The following DENND1A variants were observed in gnomAD, a reference collection of about 807,000 sequenced individuals.
The protein encoded by DENND1A is DENN domain containing 1A, also known as DENN domain-containing protein 1A.
A neutral mutation model predicts 113.7 loss-of-function variants in DENND1A; 51 were observed. The observed-to-expected ratio is 0.45, with a 90% CI of 0.36 to 0.57. The LOEUF is 0.57. DENND1A is among the 20% of genes least tolerant of loss of function. DENND1A has a pLI of 0.00. For synonymous variants in DENND1A, 565 were observed against 570.8 expected, an observed-to-expected ratio of 0.99 and a Z score of 0.14; for missense variants, 1,258 against 1,395.9, an observed-to-expected ratio of 0.90 and a Z score of 1.57.
intron 5 of DENND1A, among the ~76,000 whole-genome samples, chr9:123,746,946 T>A (rs1035229853): frequency 2.6e-5 from 4 of 152,072 alleles, no homozygotes; most frequent in African/African-American, 9.7e-5. Flanking sequence ...TTTACAAAAG[T>A]GACAGTAAAA....
intron 2 of DENND1A, among the ~76,000 whole-genome samples, chr9:123,852,843 C>A (rs552888919): frequency 6.6e-6 from 1 of 152,106 alleles, no homozygotes; most frequent in Non-Finnish European, 1.5e-5. Context: ...AAGAGTGCAA[C>A]TAGTTTTTAA....
chr9:123,687,247 C>T (rs895898902), intron 5 of DENND1A, among the ~76,000 whole-genome samples: 2 of 152,130 alleles, frequency 1.3e-5, no homozygotes, highest in South Asian at 2.1e-4. Flanking sequence ...ACCCCCCCAG[C>T]GATCAGAGAG....
chr9:123,780,045 G>T (rs1381242370), intron 3 of DENND1A, among the ~76,000 whole-genome samples: 1 of 152,046 alleles, frequency 6.6e-6, no homozygotes, highest in Non-Finnish European at 1.5e-5. Context: ...GTAGAGACAG[G>T]GTTTCGCCAT....
intron 1 of DENND1A, among the ~76,000 whole-genome samples, chr9:123,899,308 C>G (rs1368023529): frequency 6.6e-6 from 1 of 152,134 alleles, no homozygotes; most frequent in Non-Finnish European, 1.5e-5. Flanking sequence ...TCGCCAGTGT[C>G]TATGAAGGGT....
intron 13 of DENND1A, among the ~76,000 whole-genome samples, chr9:123,494,738 T>C (rs1228327214): frequency 1.3e-5 from 2 of 152,126 alleles, no homozygotes; most frequent in Admixed American, 1.3e-4. Flanking sequence ...CTAATCATCT[T>C]TTAGGACCTG....
chr9:123,709,655 T>C (rs1475464477), intron 5 of DENND1A, among the ~76,000 whole-genome samples: 1 of 152,176 alleles, frequency 6.6e-6, no homozygotes, highest in African/African-American at 2.4e-5. Flanking sequence ...CTATACACCC[T>C]AACGTCTGCA....
intron 2 of DENND1A, among the ~76,000 whole-genome samples, chr9:123,826,962 T>C (rs1469243576): frequency 6.6e-6 from 1 of 152,186 alleles, no homozygotes; most frequent in Admixed American, 6.5e-5. Flanking sequence ...ACTTCTGTAA[T>C]TCCAACAAAC....
intron 5 of DENND1A, among the ~76,000 whole-genome samples, chr9:123,681,196 C>T (rs946059810): frequency 2.6e-5 from 4 of 151,928 alleles, no homozygotes; most frequent in East Asian, 3.9e-4. Flanking sequence ...ATAAAGACAG[C>T]ATCTATGTGG....
chr9:123,767,369 T>C (rs1409144499), intron 4 of DENND1A, among the ~76,000 whole-genome samples: 1 of 151,784 alleles, frequency 6.6e-6, no homozygotes, highest in Non-Finnish European at 1.5e-5. Context: ...GAATGAAATA[T>C]TCAAAAAGAA....
chr9:123,622,844 T>C (rs1172714462), intron 10 of DENND1A, among the ~76,000 whole-genome samples: 1 of 152,232 alleles, frequency 6.6e-6, no homozygotes. Context: ...GGAATGCTGA[T>C]TCTCATTAGC....
At chr9:123,523,058 T>C (rs971883194) in intron 13 of DENND1A, among the ~76,000 whole-genome samples, 3 of 152,210 alleles carry the variant, frequency 2.0e-5, no homozygotes, top group Admixed American at 6.5e-5. Context: ...CCACATCTAA[T>C]TGCTAACATA....
intron 11 of DENND1A, among the ~76,000 whole-genome samples, chr9:123,600,274 T>C (rs115817308): frequency 7.5e-4 from 115 of 152,348 alleles, no homozygotes; most frequent in African/African-American, 2.7e-3. Context: ...ATAATATTGA[T>C]AATCACTTCC....
chr9:123,615,495 TTC>T (rs2060609634), intron 10 of DENND1A, among the ~76,000 whole-genome samples: 1 of 152,200 alleles, frequency 6.6e-6, no homozygotes, highest in Admixed American at 6.5e-5. Context: ...AGCTTCTACA[TTC>T]TGTCTGAGCT....
chr9:123,643,659 C>G (rs2062147419), intron 9 of DENND1A, among the ~76,000 whole-genome samples: 1 of 152,204 alleles, frequency 6.6e-6, no homozygotes, highest in African/African-American at 2.4e-5. Flanking sequence ...ACCAAGGCCG[C>G]ACTCATGGTA....
At chr9:123,493,811 C>T (rs183077389) in intron 13 of DENND1A, among the ~76,000 whole-genome samples, 7 of 152,318 alleles carry the variant, frequency 4.6e-5, no homozygotes, top group Admixed American at 2.0e-4. Flanking sequence ...AAGGCATGCA[C>T]GCTGAAGCAC....
intron 13 of DENND1A, among the ~76,000 whole-genome samples, chr9:123,468,252 G>A (rs1416264264): frequency 1.3e-5 from 2 of 152,130 alleles, no homozygotes; most frequent in South Asian, 2.1e-4. Flanking sequence ...CTGCCTCCGG[G>A]GACTGCTGGG....
At chr9:123,724,340 A>G (rs1458278591) in intron 5 of DENND1A, among the ~76,000 whole-genome samples, 3 of 152,142 alleles carry the variant, frequency 2.0e-5, no homozygotes, top group Non-Finnish European at 4.4e-5. Context: ...TCCTAATGAG[A>G]CTTCAGCATG....
At chr9:123,871,231 C>G (rs1846553209) in intron 2 of DENND1A, among the ~76,000 whole-genome samples, 2 of 152,070 alleles carry the variant, frequency 1.3e-5, no homozygotes, top group Non-Finnish European at 2.9e-5. Flanking sequence ...CACAGGCATG[C>G]ACCACCATAC....
At chr9:123,807,230 T>C (rs1375344332) in intron 2 of DENND1A, among the ~76,000 whole-genome samples, 1 of 152,198 alleles carries the variant, frequency 6.6e-6, no homozygotes, top group African/African-American at 2.4e-5. Flanking sequence ...ATATTCTGAA[T>C]TTTCTATATT....
Sources: allele counts gnomAD v4.1 joint callset (sites outside exome capture counted in the v4.1 genomes callset), GRCh38; gene constraint gnomAD v4.1.1; transcripts MANE v1.5; gene names NCBI Gene and HGNC (gene_info 2026-07-23, HGNC 2026-07-21).